SLIT3: variants seen among roughly 807,000 people sequenced by gnomAD.
The protein encoded by SLIT3 is slit guidance ligand 3.
Under a neutral mutation model 184.0 loss-of-function variants are expected in SLIT3, and 68 were observed. That is an observed-to-expected ratio of 0.37 (90% CI 0.30 to 0.45). SLIT3 has a LOEUF of 0.45. SLIT3 is among the 20% of genes least tolerant of loss of function. The pLI, the probability that SLIT3 is intolerant of heterozygous loss-of-function variation, is 1.00. For synonymous variants in SLIT3, 831 were observed against 828.6 expected, an observed-to-expected ratio of 1.00 and a Z score of -0.05; for missense variants, 1,707 against 2,026.0, an observed-to-expected ratio of 0.84 and a Z score of 3.02.
At position 168,671,587 on chromosome 5, in the gene SLIT3, G is replaced by T. The variant is rs55806129; in HGVS notation, c.3842-104C>A. On this transcript the variant is annotated intron_variant, in intron 33 of 35. Transcript: ENST00000519560. ...TCACACATTCATGGCCAGAACTCTGGGCCTCTGCTGTTCAAACGAGGTTAA... is the reference window on the plus strand; with the variant it reads ...TCACACATTCATGGCCAGAACTCTGTGCCTCTGCTGTTCAAACGAGGTTAA... The T allele has an allele frequency of 6.2e-6, 8 of 1,289,578 alleles. No homozygotes were observed. The African/African-American group carries it at 1.2e-4, about 19-fold the overall frequency. The allele number at this position is 1,289,578 out of a possible 1,614,324, so 79.9% of individuals were successfully genotyped here. A position where few individuals can be genotyped will look rare whatever the true frequency, so the allele number is the denominator to read the frequency against.
intron 4 of SLIT3, among the ~76,000 whole-genome samples, chr5:169,167,482 TAGCC>T (rs1313430933): frequency 6.6e-6 from 1 of 151,864 alleles, no homozygotes; most frequent in Non-Finnish European, 1.5e-5. Context: ...TTCACCGTGT[TAGCC>T]AGGATGGTCT....
intron 4 of SLIT3, chr5:169,012,378 A>T (rs899941244): frequency 6.6e-6 from 1 of 152,208 alleles, no homozygotes; most frequent in African/African-American, 2.4e-5. Context: ...CTCTGCTCAG[A>T]GTGCAGTGCT....
intron 4 of SLIT3, among the ~76,000 whole-genome samples, chr5:169,097,665 C>T (rs1759838731): frequency 6.6e-6 from 1 of 152,200 alleles, no homozygotes; most frequent in Non-Finnish European, 1.5e-5. Context: ...ACAGACATTT[C>T]TGGCCAGAGG....
chr5:169,174,506 T>C lies in SLIT3; in HGVS notation c.413+18973A>G, dbSNP rs539375204. Reference sequence around the variant, plus strand: ...CTCTTGTTCTGGTTTTGTCTTCATCTCTTAACTCTTAGATCACAAGTTCTT... The same window carrying C: ...CTCTTGTTCTGGTTTTGTCTTCATCCCTTAACTCTTAGATCACAAGTTCTT... On this transcript the variant is annotated intron_variant, in intron 4 of 35. Coordinates refer to ENST00000519560, the MANE Select transcript of SLIT3 (RefSeq NM_003062.4). 3.3e-5 allele frequency among the ~76,000 whole-genome samples: 5 copies of C among 152,264 alleles called. No homozygotes were observed. In the South Asian group the frequency reaches 1.0e-3, roughly 32 times the overall value.
intron 23 of SLIT3, among the ~76,000 whole-genome samples, chr5:168,717,854 G>C (rs1762793409): frequency 6.6e-6 from 1 of 151,976 alleles, no homozygotes; most frequent in African/African-American, 2.4e-5. Flanking sequence ...TGGAGACGAG[G>C]TTTCACCATA....
chr5:169,268,544 C>T (rs956692827), intron 1 of SLIT3, among the ~76,000 whole-genome samples: 2 of 152,188 alleles, frequency 1.3e-5, no homozygotes, highest in African/African-American at 4.8e-5. Context: ...CTTTCTTACA[C>T]ATCTGGGCAT....
intron 34 of SLIT3, among the ~76,000 whole-genome samples, chr5:168,670,476 G>A (rs1761202687): frequency 6.6e-6 from 1 of 152,000 alleles, no homozygotes; most frequent in African/African-American, 2.4e-5. Flanking sequence ...TTTCACCCAT[G>A]GAAAAAAATG....
intron 26 of SLIT3, among the ~76,000 whole-genome samples, chr5:168,706,263 A>C (rs944097959): frequency 4.6e-5 from 7 of 151,552 alleles, no homozygotes; most frequent in Admixed American, 2.6e-4. Context: ...ATTACTGTAC[A>C]TTTGATTCTT....
At chr5:169,286,473 C>G (rs928457131) in intron 1 of SLIT3, among the ~76,000 whole-genome samples, 2 of 152,058 alleles carry the variant, frequency 1.3e-5, no homozygotes, top group African/African-American at 4.8e-5. Flanking sequence ...AGGTCTAAAC[C>G]CCAAATCCCA....
intron 21 of SLIT3, among the ~76,000 whole-genome samples, chr5:168,724,131 C>G (rs1763032589): frequency 6.6e-6 from 1 of 152,162 alleles, no homozygotes; most frequent in Non-Finnish European, 1.5e-5. Context: ...AAATCCTTAT[C>G]TAGAGGCTGG....
intron 35 of SLIT3, chr5:168,667,903 A>T (rs1483984640): frequency 6.6e-6 from 1 of 152,246 alleles, no homozygotes; most frequent in Non-Finnish European, 1.5e-5. Context: ...CAGATGGGGC[A>T]ACATGCTAAT....
chr5:168,694,394 C>A (rs911629643), intron 28 of SLIT3, among the ~76,000 whole-genome samples: 2 of 152,190 alleles, frequency 1.3e-5, no homozygotes, highest in Non-Finnish European at 2.9e-5. Context: ...GGACCAGAAG[C>A]CCTTGTGGGC....
At chr5:169,121,535 CCA>C (rs1002983935) in intron 4 of SLIT3, among the ~76,000 whole-genome samples, 3 of 152,176 alleles carry the variant, frequency 2.0e-5, no homozygotes, top group African/African-American at 7.2e-5. Context: ...CCATAGTTAA[CCA>C]GTGTTCAAGG....
chr5:169,156,783 G>T (rs993101302), intron 4 of SLIT3, among the ~76,000 whole-genome samples: 2 of 152,164 alleles, frequency 1.3e-5, no homozygotes, highest in African/African-American at 4.8e-5. Flanking sequence ...ATGTGCTTTT[G>T]CTTATTCATC....
intron 14 of SLIT3, among the ~76,000 whole-genome samples, chr5:168,771,043 C>G (rs528895217): frequency 5.6e-4 from 86 of 152,288 alleles, no homozygotes; most frequent in African/African-American, 2.0e-3. Flanking sequence ...TAACAGGATA[C>G]TTATGAGACC....
In SLIT3 at chr5:168,710,941, A is replaced by G; in HGVS notation, c.2673T>C (p.Ala891=). The stretch of plus-strand genomic sequence containing the variant: ...TTGGGGTGGTGAGCAGGAGCCTGTC[A>G]GCCATGGGCTCAGGGCTACTGCAGC... The part of the protein sequence containing the change: ...IARCSSPEPM[A]DRLLLTTPTH... The change falls in exon 25 of 36, where the codon GCT becomes GCC. Residue 891 remains alanine (A), a synonymous_variant. Coordinates refer to ENST00000519560, the MANE Select transcript of SLIT3 (RefSeq NM_003062.4). 1 of 1,563,640 alleles carries G rather than the reference A, an allele frequency of 6.4e-7. No homozygotes were observed. The highest frequency in any genetic ancestry group is 8.7e-7 in the Non-Finnish European group (1 of 1,153,288).
intron 1 of SLIT3, among the ~76,000 whole-genome samples, chr5:169,257,089 G>A (rs554485099): frequency 1.3e-5 from 2 of 152,230 alleles, no homozygotes; most frequent in African/African-American, 2.4e-5. Flanking sequence ...TCACCAGCCT[G>A]AGCATACAGA....
At chr5:168,724,947 C>G (rs994543739) in intron 20 of SLIT3, among the ~76,000 whole-genome samples, 1 of 152,196 alleles carries the variant, frequency 6.6e-6, no homozygotes, top group East Asian at 1.9e-4. Flanking sequence ...GAACCCAGCT[C>G]TGACTGTAGT....
chr5:168,751,704 C>T (rs962165453), intron 18 of SLIT3, among the ~76,000 whole-genome samples: 2 of 151,670 alleles, frequency 1.3e-5, no homozygotes, highest in African/African-American at 4.9e-5. Flanking sequence ...GGTCCTGATA[C>T]CCACTGAAAG....
Sources: allele counts gnomAD v4.1 joint callset (sites outside exome capture counted in the v4.1 genomes callset), GRCh38; gene constraint gnomAD v4.1.1; transcripts MANE v1.5; gene names NCBI Gene and HGNC (gene_info 2026-07-23, HGNC 2026-07-21).